The following MALRD1 variants were observed in gnomAD, a reference collection of about 807,000 sequenced individuals.
MALRD1 encodes MAM and LDL receptor class A domain containing 1, also known as MAM and LDL-receptor class A domain-containing protein 1.
A neutral mutation model predicts 242.1 loss-of-function variants in MALRD1; 247 were observed. The observed-to-expected ratio is 1.02, with a 90% CI of 0.92 to 1.13. The LOEUF (loss-of-function observed/expected upper bound fraction) is 1.13. MALRD1 is among the 50% of genes most tolerant of loss of function. The pLI, the probability that MALRD1 is intolerant of heterozygous loss-of-function variation, is 0.00. For synonymous variants in MALRD1, 995 were observed against 866.6 expected, an observed-to-expected ratio of 1.15 and a Z score of -2.60; for missense variants, 2,989 against 2,533.1, an observed-to-expected ratio of 1.18 and a Z score of -3.86.
At chr10:19,608,508 A>AT (rs903508778) in intron 35 of MALRD1, among the ~76,000 whole-genome samples, 21 of 151,768 alleles carry the variant, frequency 1.4e-4, no homozygotes, top group East Asian at 3.9e-4. Context: ...TGAGTAGATG[A>AT]TTTTTTTTAT....
chr10:19,712,709 GA>G (rs1834188051), intron 38 of MALRD1, among the ~76,000 whole-genome samples: 6 of 152,150 alleles, frequency 3.9e-5, no homozygotes, highest in Admixed American at 2.6e-4. Context: ...CATTTGTAGG[GA>G]AAAAATATTT....
intron 18 of MALRD1, among the ~76,000 whole-genome samples, chr10:19,241,424 C>T (rs1271273276): frequency 1.3e-5 from 2 of 151,976 alleles, no homozygotes; most frequent in East Asian, 3.9e-4. Context: ...TGTAATGTCT[C>T]CTTTTTCATC....
rs369401627 is a variant in MALRD1, at chr10:19,585,450, G to A, written c.5681-9744G>A. Among the ~76,000 whole-genome samples the A allele has an allele frequency of 1.7e-4, 25 of 151,430 alleles. 1 individual carries two copies. The highest frequency in any genetic ancestry group is 5.3e-4 in the African/African-American group (22 of 41,206). On this transcript the variant is annotated intron_variant, in intron 33 of 39. Coordinates refer to ENST00000454679, the MANE Select transcript of MALRD1 (RefSeq NM_001142308.3). Reference sequence around the variant, plus strand: ...TGACAAAATCTCTCAACATTTGCTTGTCTGTAAAGTATTTTATTTCTCCTT... The same window carrying A: ...TGACAAAATCTCTCAACATTTGCTTATCTGTAAAGTATTTTATTTCTCCTT...
At chr10:19,684,232 T>C (rs1052159895) in intron 36 of MALRD1, among the ~76,000 whole-genome samples, 3 of 152,134 alleles carry the variant, frequency 2.0e-5, no homozygotes, top group Non-Finnish European at 4.4e-5. Flanking sequence ...CAGCGCCATC[T>C]CTCTGTGACT....
At chr10:19,459,150 C>G (rs1017671917) in intron 29 of MALRD1, among the ~76,000 whole-genome samples, 9 of 152,028 alleles carry the variant, frequency 5.9e-5, no homozygotes, top group African/African-American at 1.7e-4. Context: ...AAATCACAAC[C>G]AAGCTATCAA....
intron 14 of MALRD1, 134 bp downstream of exon 14, chr10:19,175,462 A>AT (rs1835188771): frequency 1.5e-5 from 4 of 268,404 alleles, no homozygotes; most frequent in Non-Finnish European, 1.2e-5. Context: ...TTGAAACCTA[A>AT]AATATATATA....
At chr10:19,071,070 C>T (rs1306642442) in intron 2 of MALRD1, among the ~76,000 whole-genome samples, 1 of 151,826 alleles carries the variant, frequency 6.6e-6, no homozygotes, top group Admixed American at 6.6e-5. Flanking sequence ...AGGTTGGTCT[C>T]AAACTCCTGG....
At chr10:19,085,002 G>A (rs1394286599) in intron 2 of MALRD1, among the ~76,000 whole-genome samples, 1 of 151,790 alleles carries the variant, frequency 6.6e-6, no homozygotes, top group Non-Finnish European at 1.5e-5. Flanking sequence ...TAATGAGGAT[G>A]GTGTAGAGAT....
intron 35 of MALRD1, among the ~76,000 whole-genome samples, chr10:19,610,439 G>A (rs1838842372): frequency 6.6e-6 from 1 of 151,724 alleles, no homozygotes. Flanking sequence ...CAACTTTTGA[G>A]GTTTGATAGA....
intron 21 of MALRD1, among the ~76,000 whole-genome samples, chr10:19,297,014 T>G (rs1276934562): frequency 6.6e-6 from 1 of 151,474 alleles, no homozygotes; most frequent in Non-Finnish European, 1.5e-5. Flanking sequence ...ATTTCTATAA[T>G]GCCTTTTGTG....
chr10:19,377,075 A>T (rs1845643155), intron 26 of MALRD1, among the ~76,000 whole-genome samples: 1 of 152,206 alleles, frequency 6.6e-6, no homozygotes, highest in Non-Finnish European at 1.5e-5. Flanking sequence ...GTCAATGCAA[A>T]CTATAACATA....
intron 36 of MALRD1, among the ~76,000 whole-genome samples, chr10:19,663,311 A>G (rs533762253): frequency 6.6e-6 from 1 of 152,296 alleles, no homozygotes; most frequent in South Asian, 2.1e-4. Context: ...TTCACTTAGT[A>G]TAATGGCCTC....
At chr10:19,257,575 A>G in intron 18 of MALRD1, 109 bp from the exon 19 acceptor site, 2 of 843,646 alleles carry the variant, frequency 2.4e-6, no homozygotes, top group East Asian at 5.6e-5. Flanking sequence ...AATGGCACAG[A>G]AGGTTATATT....
chr10:19,679,587 T>C lies in MALRD1; in HGVS notation c.6138-12695T>C, dbSNP rs148219426. Among the ~76,000 whole-genome samples, 1,207 of 151,464 alleles carry C rather than the reference T, an allele frequency of 8.0e-3. 14 individuals carry two copies. The highest frequency in any genetic ancestry group is 0.025 in the African/African-American group (1,047 of 41,448). ...GTCTAGCTAGTGGTCTATTTTATTA[T>C]TTTTTTCAAAAAACACCTGCTGGAT... On this transcript the variant is annotated intron_variant, in intron 36 of 39. Transcript: ENST00000454679.
chr10:19,582,364 T>C (rs1228519967), intron 33 of MALRD1, among the ~76,000 whole-genome samples: 1 of 148,800 alleles, frequency 6.7e-6, no homozygotes, highest in African/African-American at 2.5e-5. Flanking sequence ...AGGTCTAACG[T>C]TTAAGTCTTT....
intron 14 of MALRD1, among the ~76,000 whole-genome samples, chr10:19,192,114 C>T (rs987533740): frequency 6.6e-6 from 1 of 151,886 alleles, no homozygotes; most frequent in Non-Finnish European, 1.5e-5. Context: ...TAGACTTATC[C>T]GAGGTATAGT....
At chr10:19,260,077 G>A (rs1839680545) in intron 19 of MALRD1, among the ~76,000 whole-genome samples, 1 of 152,048 alleles carries the variant, frequency 6.6e-6, no homozygotes, top group Non-Finnish European at 1.5e-5. Flanking sequence ...AATTTTAGGT[G>A]TTTTATATAC....
In MALRD1 at chr10:19,267,586, G is replaced by A. The variant is rs144685067; in HGVS notation, c.3079+9815G>A. Among the ~76,000 whole-genome samples, 357 of 152,164 alleles carry A rather than the reference G, an allele frequency of 2.3e-3. 2 individuals are homozygous for A. The highest frequency in any genetic ancestry group is 8.2e-3 in the African/African-American group (341 of 41,550). ...ATTTCAGTGTGAATCAAAAAGCAAG[G>A]GGAACAGTGTCAATACTATTGGCTT... On this transcript the variant is annotated intron_variant, in intron 19 of 39. Transcript: ENST00000454679.
At chr10:19,196,722 G>A (rs1836276412) in intron 14 of MALRD1, among the ~76,000 whole-genome samples, 1 of 152,032 alleles carries the variant, frequency 6.6e-6, no homozygotes, top group African/African-American at 2.4e-5. Context: ...TTGAGATTCT[G>A]TTTCCCTCAA....
Sources: allele counts gnomAD v4.1 joint callset (sites outside exome capture counted in the v4.1 genomes callset), GRCh38; gene constraint gnomAD v4.1.1; transcripts MANE v1.5; gene names NCBI Gene and HGNC (gene_info 2026-07-23, HGNC 2026-07-21).